The following LDB3 variants were observed in gnomAD, a reference collection of about 807,000 sequenced individuals.
LDB3 encodes LIM domain-binding protein 3.
A neutral mutation model predicts 69.0 loss-of-function variants in LDB3; 49 were observed. The ratio of observed to expected loss-of-function variants is 0.71; its 90% CI spans 0.56 to 0.90. The LOEUF (loss-of-function observed/expected upper bound fraction) is 0.90, where lower values mean the gene tolerates loss of function less well. Ranked by LOEUF, LDB3 falls within the 40% of genes least tolerant of loss-of-function variation. The pLI, the probability that LDB3 is intolerant of heterozygous loss-of-function variation, is 0.00. For synonymous variants in LDB3, 387 were observed against 396.2 expected, an observed-to-expected ratio of 0.98 and a Z score of 0.28; for missense variants, 928 against 974.1, an observed-to-expected ratio of 0.95 and a Z score of 0.63.
chr10:86,668,675 C>T lies in LDB3; in HGVS notation c.-17C>T, dbSNP rs377702668. On this transcript the variant is annotated 5_prime_UTR_variant, in exon 2 of 14. Transcript: ENST00000361373. ...CTCTACCCTTTGTCTGCAGAGGCGG[C>T]CGCTGACAGCACCAGCATGTCTTAC... 1 of 1,607,508 alleles carries T rather than the reference C, an allele frequency of 6.2e-7. No homozygotes were observed.
intron 6 of LDB3, among the ~76,000 whole-genome samples, chr10:86,692,332 C>T (rs1197608699): frequency 6.6e-6 from 1 of 152,250 alleles, no homozygotes; most frequent in Admixed American, 6.5e-5. Context: ...TTGCCCAGGG[C>T]TGGGATGAGG....
Position 86,699,728 on chromosome 10 carries a change from C to T in LDB3, c.897-6803C>T, listed in dbSNP as rs1846175664. ...AGAACCAAGGGAAATGGATGGGCCG[C>T]TGCTCAGTTTCCCACCATCCTCAGC... On this transcript the variant is annotated intron_variant, in intron 7 of 13. Coordinates refer to ENST00000361373, the MANE Select transcript of LDB3 (RefSeq NM_007078.3). The surrounding 1 kb of genome is among the most constrained non-coding windows in gnomAD (Gnocchi z 4.9). 1.7e-6 allele frequency: 2 copies of T among 1,142,864 alleles called. No homozygotes were observed. The highest frequency in any genetic ancestry group is 1.6e-5 in the African/African-American group (1 of 62,776). The allele number at this position is 1,142,864 out of a possible 1,614,324, so 70.8% of individuals were successfully genotyped here.
At chr10:86,675,721 G>A (rs974980310) in intron 2 of LDB3, among the ~76,000 whole-genome samples, 2 of 152,248 alleles carry the variant, frequency 1.3e-5, no homozygotes, top group African/African-American at 4.8e-5. Flanking sequence ...TGATGGATGT[G>A]GAGGGATGGA....
chr10:86,704,780 C>T (rs1175253803), intron 7 of LDB3, among the ~76,000 whole-genome samples: 1 of 151,484 alleles, frequency 6.6e-6, no homozygotes, highest in African/African-American at 2.4e-5. Flanking sequence ...GATGAGGTTT[C>T]ACTGTGTTAG....
chr10:86,729,615 G>T (rs1847387425), intron 13 of LDB3, among the ~76,000 whole-genome samples: 1 of 152,150 alleles, frequency 6.6e-6, no homozygotes, highest in African/African-American at 2.4e-5. Context: ...AGAGCCTGGG[G>T]GTTGGACCAT....
intron 9 of LDB3, 71 bp from the exon 10 acceptor site, chr10:86,716,256 T>C: frequency 6.4e-7 from 1 of 1,562,702 alleles, no homozygotes; most frequent in Non-Finnish European, 8.8e-7. Flanking sequence ...TTTCTCTGGC[T>C]AGGAGTGAGG....
At chr10:86,710,458 C>T (rs1461579526) in intron 9 of LDB3, among the ~76,000 whole-genome samples, 2 of 152,196 alleles carry the variant, frequency 1.3e-5, no homozygotes, top group African/African-American at 4.8e-5. Context: ...GGCGTGGTGG[C>T]ACCCACCTGT....
chr10:86,707,082 A>G (rs17426050), intron 8 of LDB3, among the ~76,000 whole-genome samples: 21,795 of 152,168 alleles, frequency 0.14, 1,936 homozygotes, highest in Admixed American at 0.21. Context: ...GGGACTGTGG[A>G]AAAAGTCTTT....
chr10:86,729,308 C>T (rs1267107490), intron 13 of LDB3, among the ~76,000 whole-genome samples: 2 of 152,208 alleles, frequency 1.3e-5, no homozygotes, highest in African/African-American at 4.8e-5. Flanking sequence ...GAGAAGTGCA[C>T]TGTGGGTCAG....
At position 86,718,072 on chromosome 10, in the gene LDB3, C is replaced by G. The variant is rs757550916; in HGVS notation, c.1785C>G (p.Asn595Lys). 1 of 1,614,026 alleles carries G rather than the reference C, an allele frequency of 6.2e-7. No individual in the cohort carries two copies. The highest frequency in any genetic ancestry group is 8.5e-7 in the Non-Finnish European group (1 of 1,180,040). Reference protein sequence around the residue: ...ADVCFVEEQNNVYCERCYEQF... With the variant: ...ADVCFVEEQNKVYCERCYEQF... Reference sequence around the variant, plus strand: ...TGTGCTTTGTGGAAGAGCAGAACAACGTTTACTGTGAGCGATGTTATGAGC... The same window carrying G: ...TGTGCTTTGTGGAAGAGCAGAACAAGGTTTACTGTGAGCGATGTTATGAGC... Residue 595 changes from asparagine (N) to lysine (K), a missense_variant, in exon 11 of 14, where the codon AAC becomes AAG. Coordinates refer to ENST00000361373, the MANE Select transcript of LDB3 (RefSeq NM_007078.3).
chr10:86,688,050 C>CGTGTGTGTGTGTGTGT (rs71487273), intron 5 of LDB3, among the ~76,000 whole-genome samples: 82 of 103,010 alleles, frequency 8.0e-4, no homozygotes, highest in Admixed American at 2.2e-3. Context: ...CCCCGACCCT[C>CGTGTGTGTGTGTGTGT]GTGTGTGTGT....
intron 5 of LDB3, among the ~76,000 whole-genome samples, chr10:86,687,452 C>T (rs1039651825): frequency 1.3e-5 from 2 of 152,242 alleles, no homozygotes; most frequent in Non-Finnish European, 2.9e-5. Context: ...TCTTCAGACC[C>T]TCTCCATGGT....
intron 13 of LDB3, among the ~76,000 whole-genome samples, chr10:86,731,475 G>A (rs926530519): frequency 1.3e-5 from 2 of 151,740 alleles, no homozygotes; most frequent in African/African-American, 2.4e-5. Context: ...CTCCTGCCTC[G>A]GCCTTCCAAA....
intron 4 of LDB3, among the ~76,000 whole-genome samples, chr10:86,680,859 G>A (rs1316366734): frequency 2.6e-5 from 4 of 152,254 alleles, no homozygotes; most frequent in Non-Finnish European, 5.9e-5. Context: ...AGGGCAGTGG[G>A]GAGAGGGGAG....
At chr10:86,718,318 A>G (rs1270481610) in intron 11 of LDB3, among the ~76,000 whole-genome samples, 174 bp downstream of exon 11, 1 of 152,232 alleles carries the variant, frequency 6.6e-6, no homozygotes, top group Non-Finnish European at 1.5e-5. Context: ...AATGAACTTG[A>G]TGCAAGAGAT....
At chr10:86,692,147 C>A in intron 6 of LDB3, 82 bp downstream of exon 6, 1 of 1,491,452 alleles carries the variant, frequency 6.7e-7, no homozygotes. Context: ...ACTGCAGAAG[C>A]CAGGGAGTCC....
upstream of LDB3, among the ~76,000 whole-genome samples, chr10:86,667,151 T>C (rs1419436532): frequency 1.3e-5 from 2 of 152,142 alleles, no homozygotes; most frequent in African/African-American, 2.4e-5. Flanking sequence ...TTCCACTTGA[T>C]AGTTTTGTGA....
chr10:86,677,493 A>C (rs1198429628), intron 2 of LDB3, among the ~76,000 whole-genome samples: 1 of 152,192 alleles, frequency 6.6e-6, no homozygotes, highest in African/African-American at 2.4e-5. Flanking sequence ...CCGGGGGTGC[A>C]GAATTTGGCA....
At chr10:86,694,790 A>G (rs1427678037) in intron 7 of LDB3, among the ~76,000 whole-genome samples, 1 of 152,128 alleles carries the variant, frequency 6.6e-6, no homozygotes, top group Non-Finnish European at 1.5e-5. Context: ...CTACATCACT[A>G]TCTGAGCAGA....
Sources: allele counts gnomAD v4.1 joint callset (sites outside exome capture counted in the v4.1 genomes callset), GRCh38; gene constraint gnomAD v4.1.1; non-coding constraint Gnocchi (gnomAD v3.1); transcripts MANE v1.5; gene names NCBI Gene and HGNC (gene_info 2026-07-23, HGNC 2026-07-21).